CYP2J2: variants seen among roughly 807,000 people sequenced by gnomAD.
CYP2J2 encodes cytochrome P450 2J2.
CYP2J2 carries 41 observed loss-of-function variants against 48.8 expected under a neutral mutation model. The observed-to-expected ratio is 0.84, with a 90% CI of 0.66 to 1.09. The LOEUF is 1.09. CYP2J2 is among the 50% of genes least tolerant of loss of function. CYP2J2 has a pLI of 0.00. For synonymous variants in CYP2J2, 221 were observed against 227.1 expected (o/e 0.97, Z 0.24); for missense variants, 644 against 617.3 (o/e 1.04, Z -0.46).
chr1:59,924,178 T>C lies in CYP2J2; in HGVS notation c.210+2359A>G, dbSNP rs141111075. On this transcript the variant is annotated intron_variant, in intron 1 of 8. Coordinates refer to ENST00000371204, the MANE Select transcript of CYP2J2 (RefSeq NM_000775.4). Reference sequence around the variant, plus strand: ...TTTTAAAATGTTGAATGAAAGGAATTGTCAACCTAGAATTCTATGTCCAGT... The same window carrying C: ...TTTTAAAATGTTGAATGAAAGGAATCGTCAACCTAGAATTCTATGTCCAGT... Among the ~76,000 whole-genome samples, 230 of 152,258 alleles carry C rather than the reference T, an allele frequency of 1.5e-3. 1 individual carries two copies. The highest frequency in any genetic ancestry group is 5.2e-3 in the African/African-American group (215 of 41,572).
chr1:59,965,692 C>T, the CYP2J2 span, among the ~76,000 whole-genome samples: 27 of 152,070 alleles, frequency 1.8e-4, no homozygotes, highest in Non-Finnish European at 3.8e-4. Flanking sequence ...CACTCTGTTG[C>T]CCAGGCTGGA....
chr1:59,959,253 G>C, the CYP2J2 span, among the ~76,000 whole-genome samples: 1 of 152,054 alleles, frequency 6.6e-6, no homozygotes, highest in South Asian at 2.1e-4. Context: ...TTCTTCCTAT[G>C]CTCTTTGTAT....
At chr1:59,900,910 G>A in intron 8 of CYP2J2, 55 bp downstream of exon 8, 2 of 1,582,722 alleles carry the variant, frequency 1.3e-6, no homozygotes, top group South Asian at 2.3e-5. Flanking sequence ...GAGAGAGCAG[G>A]GGAGGGCTGG....
chr1:59,896,094 C>T (rs1257882177), intron 8 of CYP2J2, among the ~76,000 whole-genome samples: 2 of 152,116 alleles, frequency 1.3e-5, no homozygotes, highest in Non-Finnish European at 2.9e-5. Context: ...ACTTTCCCTT[C>T]CCCAGCCCTG....
chr1:59,949,984 C>A, the CYP2J2 span, among the ~76,000 whole-genome samples: 3 of 152,140 alleles, frequency 2.0e-5, no homozygotes, highest in Non-Finnish European at 4.4e-5. Context: ...TATCATCTGA[C>A]CTGGTGAAAA....
At chr1:59,946,907 T>G in the CYP2J2 span, among the ~76,000 whole-genome samples, 1 of 152,100 alleles carries the variant, frequency 6.6e-6, no homozygotes, top group African/African-American at 2.4e-5. Flanking sequence ...TAATACCTAA[T>G]GCATATAGTT....
the CYP2J2 span, among the ~76,000 whole-genome samples, chr1:59,954,591 G>GC: frequency 6.8e-6 from 1 of 147,968 alleles, no homozygotes; most frequent in Admixed American, 6.7e-5. Context: ...GGTGGGTCGG[G>GC]GGGGGATGCA....
In CYP2J2 at chr1:59,912,257, G is replaced by C. The variant is rs1189985425; in HGVS notation, c.428C>G (p.Thr143Arg). The C allele has an allele frequency of 5.0e-6, 8 of 1,613,800 alleles. No individual in the cohort carries two copies. Among genetic ancestry groups the C allele is most frequent in the Non-Finnish European group, 6.8e-6 (8 of 1,179,862 alleles). Reference sequence around the variant, plus strand: ...TCCTAAACCAAAGTTCCTTAGTGCTGTCAGAGTGAACCTTCTTTGCTCCTT... The same window carrying C: ...TCCTAAACCAAAGTTCCTTAGTGCTCTCAGAGTGAACCTTCTTTGCTCCTT... ...AWKEQRRFTL[T>R]ALRNFGLGKK... The change falls in exon 3 of 9, where the codon ACA becomes AGA. Residue 143 changes from threonine to arginine, a missense_variant. Physicochemically the swap from Thr to Arg is moderately conservative, Grantham distance 71. Coordinates refer to ENST00000371204, the MANE Select transcript of CYP2J2 (RefSeq NM_000775.4).
chr1:59,914,325 C>T (rs1644444776), intron 2 of CYP2J2, among the ~76,000 whole-genome samples: 1 of 152,136 alleles, frequency 6.6e-6, no homozygotes, highest in African/African-American at 2.4e-5. Context: ...TGAAATATTT[C>T]TAAGAATTGA....
Position 59,909,221 on chromosome 1 carries a change from C to G in CYP2J2, c.861+563G>C, listed in dbSNP as rs575314755. On this transcript the variant is annotated intron_variant, in intron 5 of 8. Transcript: ENST00000371204. ...CTGAAATATTGCCCCTATTTTTACTCCTGTAGCAGGCTGAGTAATGACCCG... is the reference window on the plus strand; with the variant it reads ...CTGAAATATTGCCCCTATTTTTACTGCTGTAGCAGGCTGAGTAATGACCCG... Among the ~76,000 whole-genome samples, 20 of 152,104 alleles carry G rather than the reference C, an allele frequency of 1.3e-4. No homozygotes were observed. In the South Asian group the frequency reaches 2.1e-3, roughly 16 times the overall value.
intron 4 of CYP2J2, among the ~76,000 whole-genome samples, 167 bp from the exon 5 acceptor site, chr1:59,910,127 G>T (rs1644399388): frequency 6.6e-6 from 1 of 151,934 alleles, no homozygotes; most frequent in African/African-American, 2.4e-5. Flanking sequence ...AAACAGTTCA[G>T]CTCTCTGTCA....
chr1:59,901,248 T>C (rs1644317600), intron 7 of CYP2J2, 145 bp from the exon 8 acceptor site: 1 of 731,652 alleles, frequency 1.4e-6, no homozygotes, highest in Non-Finnish European at 2.2e-6. Context: ...GTCTCCTGTG[T>C]CCCCCAACCC....
intron 5 of CYP2J2, 135 bp from the exon 6 acceptor site, chr1:59,908,062 T>C: frequency 1.2e-6 from 1 of 803,052 alleles, no homozygotes; most frequent in East Asian, 2.5e-5. Context: ...CCCTTTGGCC[T>C]CTTCAGAAGG....
chr1:59,918,107 A>C (rs1198682708), intron 1 of CYP2J2, among the ~76,000 whole-genome samples: 2 of 152,166 alleles, frequency 1.3e-5, no homozygotes, highest in Non-Finnish European at 2.9e-5. Flanking sequence ...GCTGAGATTC[A>C]ATCTCAAGTC....
intron 6 of CYP2J2, among the ~76,000 whole-genome samples, chr1:59,907,023 T>C (rs1172590174): frequency 6.6e-6 from 1 of 152,186 alleles, no homozygotes; most frequent in Non-Finnish European, 1.5e-5. Context: ...TGTTCAAACT[T>C]TTCTGGAAGC....
the CYP2J2 span, among the ~76,000 whole-genome samples, chr1:59,953,130 C>T: frequency 3.0e-4 from 46 of 152,230 alleles, no homozygotes; most frequent in African/African-American, 7.5e-4. Flanking sequence ...AGGTCATAGG[C>T]GAGGAAGGTC....
At chr1:59,894,193 ACAAC>A (rs898577244) in intron 8 of CYP2J2, among the ~76,000 whole-genome samples, 8 of 152,268 alleles carry the variant, frequency 5.3e-5, no homozygotes, top group African/African-American at 1.9e-4. Flanking sequence ...GACAACAAAA[ACAAC>A]CAAATATGTT....
In CYP2J2 at chr1:59,912,310, T is replaced by C. The variant is rs765134084; in HGVS notation, c.375A>G (p.Gly125=). The change falls in exon 3 of 9, where the codon GGA becomes GGG. Residue 125 remains glycine (G), a splice_region_variant and synonymous_variant. Transcript: ENST00000371204. ...ATGCCTGGCCACTTGACATAATCAA[T>C]CCTGGGAAAAAGAAAGTCAACATTA... is the stretch of plus-strand genomic sequence containing the variant. The part of the protein sequence containing the change: ...PMREHIFKKN[G]LIMSSGQAWK... The C allele has an allele frequency of 1.3e-5, 21 of 1,609,702 alleles. No individual in the cohort carries two copies. Among genetic ancestry groups the C allele is most frequent in the East Asian group, 2.2e-5 (1 of 44,846 alleles).
At chr1:59,911,531 C>A in intron 4 of CYP2J2, 77 bp downstream of exon 4, 2 of 1,107,272 alleles carry the variant, frequency 1.8e-6, no homozygotes, top group Non-Finnish European at 2.5e-6. Flanking sequence ...CCAAAAAAAA[C>A]TAAAAGGAAA....
Sources: gnomAD v4.1 joint callset for allele counts (sites outside exome capture counted in the v4.1 genomes callset) on GRCh38, gnomAD v4.1.1 for gene constraint, MANE v1.5 for transcripts, NCBI Gene and HGNC (gene_info 2026-07-23, HGNC 2026-07-21) for gene names.